Variants in RFX6 observed in about 807,000 individuals in gnomAD.
RFX6 encodes DNA-binding protein RFX6.
Under a neutral mutation model 110.8 loss-of-function variants are expected in RFX6, and 50 were observed. The observed-to-expected ratio is 0.45, with a 90% CI of 0.36 to 0.57. RFX6 has a LOEUF of 0.57. Among genes scored for constraint, RFX6 ranks in the 20% least tolerant of loss-of-function variants. RFX6 has a pLI of 0.00. For synonymous variants in RFX6, 383 were observed against 411.2 expected (o/e 0.93, Z 0.83); for missense variants, 990 against 1,127.0 (o/e 0.88, Z 1.74).
At chr6:116,913,874 A>AAATC (rs1433442726) in intron 7 of RFX6, among the ~76,000 whole-genome samples, 1 of 152,220 alleles carries the variant, frequency 6.6e-6, no homozygotes, top group Non-Finnish European at 1.5e-5. Flanking sequence ...TTGTACGGAT[A>AAATC]AATCAGTGTA....
chr6:116,890,707 C>T (rs1250024957), intron 4 of RFX6, among the ~76,000 whole-genome samples: 2 of 152,044 alleles, frequency 1.3e-5, no homozygotes, highest in Admixed American at 6.6e-5. Flanking sequence ...CTTCAGGTGT[C>T]AGTTTGTGTA....
intron 4 of RFX6, among the ~76,000 whole-genome samples, chr6:116,892,891 C>A (rs897823424): frequency 6.6e-6 from 1 of 152,086 alleles, no homozygotes; most frequent in Non-Finnish European, 1.5e-5. Flanking sequence ...TTCTTTATTG[C>A]TGAGGCCAGA....
At chr6:116,882,551 T>C in intron 4 of RFX6, 123 bp downstream of exon 4, 1 of 714,230 alleles carries the variant, frequency 1.4e-6, no homozygotes, top group Non-Finnish European at 2.5e-6. Flanking sequence ...AAGCAGACTT[T>C]TATCAACTGT....
chr6:116,921,085 G>C (rs935196560), intron 12 of RFX6, among the ~76,000 whole-genome samples: 2 of 152,092 alleles, frequency 1.3e-5, no homozygotes, highest in Non-Finnish European at 2.9e-5. Flanking sequence ...AGGGATAACA[G>C]CCACTATTTT....
intron 16 of RFX6, among the ~76,000 whole-genome samples, chr6:116,926,529 A>G (rs675233): frequency 0.24 from 36,928 of 152,092 alleles, 4,850 homozygotes; most frequent in South Asian, 0.42. Flanking sequence ...ATAGTTCAGG[A>G]GTCCATTTCT....
chr6:116,909,591 A>G (rs1775286126), intron 6 of RFX6, among the ~76,000 whole-genome samples: 1 of 150,564 alleles, frequency 6.6e-6, no homozygotes, highest in African/African-American at 2.4e-5. Context: ...CTATGCTATT[A>G]TATCAGTTTA....
Position 116,924,660 on chromosome 6 carries a change from A to G in RFX6, c.1556-9A>G. On this transcript the variant is annotated splice_polypyrimidine_tract_variant and intron_variant, in intron 14 of 18. Coordinates refer to ENST00000332958, the MANE Select transcript of RFX6 (RefSeq NM_173560.4). ...ACTGTCCTCTCCTCATTCTCCATCC[A>G]TAAACAAGGTTCTTTTCATTTGATT... 1 of 1,609,194 alleles carries G rather than the reference A, an allele frequency of 6.2e-7. No homozygotes were observed.
chr6:116,911,058 A>T lies in RFX6; in HGVS notation c.780+16A>T, dbSNP rs1406562918. 6.0e-6 allele frequency: 9 copies of T among 1,494,580 alleles called. No individual in the cohort carries two copies. Among genetic ancestry groups the T allele is most frequent in the East Asian group, 2.3e-5 (1 of 44,302 alleles). The allele number at this position is 1,494,580 out of a possible 1,614,324, so 92.6% of individuals were successfully genotyped here. On this transcript the variant is annotated intron_variant, in intron 7 of 18. Transcript: ENST00000332958. ...TAAGGACAAGGTATCAATTACAGATACTTCTCTATTGATTTTCTGATATGT... is the reference window on the plus strand; with the variant it reads ...TAAGGACAAGGTATCAATTACAGATTCTTCTCTATTGATTTTCTGATATGT...
rs1233600960 is a variant in RFX6 at position 116,931,380 on chromosome 6, T to C, written c.2661T>C (p.Tyr887=). 1.9e-6 allele frequency: 3 copies of C among 1,613,334 alleles called. No homozygotes were observed. The highest frequency in any genetic ancestry group is 1.1e-5 in the South Asian group (1 of 91,068). The change falls in exon 19 of 19, where the codon TAT becomes TAC. Residue 887 remains tyrosine, a synonymous_variant. Transcript: ENST00000332958. ...PIPSSSSQCM[Y]GTSNQYPAQE... is the part of the protein sequence containing the mutation. The stretch of plus-strand genomic sequence containing the variant: ...CTTCTTCCTCATCCCAATGTATGTA[T>C]GGAACTTCCAACCAGTATCCAGCTC...
intron 3 of RFX6, 23 bp from the exon 4 acceptor site, chr6:116,882,344 A>T (rs941303163): frequency 1.3e-6 from 2 of 1,599,740 alleles, no homozygotes; most frequent in Non-Finnish European, 1.7e-6. Flanking sequence ...TCTAACGCCT[A>T]AAGTAATCAT....
At position 116,926,719 on chromosome 6, in the gene RFX6, A is replaced by T. The variant is rs529717541; in HGVS notation, c.1886-308A>T. On this transcript the variant is annotated intron_variant, in intron 16 of 18. Coordinates refer to ENST00000332958, the MANE Select transcript of RFX6 (RefSeq NM_173560.4). ...TTAACAATCAGCTAATTTTTTAATT[A>T]TGGGGAAATATGAGCAGCAGACACA... Among the ~76,000 whole-genome samples, 9 of 152,254 alleles carry T rather than the reference A, an allele frequency of 5.9e-5. No individual in the cohort carries two copies. The South Asian group carries it at 1.5e-3, about 25-fold the overall frequency.
intron 13 of RFX6, 102 bp from the exon 14 acceptor site, chr6:116,923,005 G>T: frequency 1.3e-6 from 1 of 769,400 alleles, no homozygotes. Context: ...CATGCCATCT[G>T]TCCATTTGTT....
intron 4 of RFX6, among the ~76,000 whole-genome samples, chr6:116,893,418 A>G (rs759271466): frequency 7.9e-5 from 12 of 152,196 alleles, no homozygotes; most frequent in South Asian, 2.1e-4. Context: ...TACTTTCCAC[A>G]TGTCATTTTC....
intron 15 of RFX6, 116 bp from the exon 16 acceptor site, chr6:116,925,337 T>C (rs774690919): frequency 1.5e-5 from 14 of 916,228 alleles, no homozygotes; most frequent in Admixed American, 3.5e-5. Context: ...CATTGCTTAG[T>C]AGTTTCCAGA....
chr6:116,892,493 A>G (rs1036346490), intron 4 of RFX6, among the ~76,000 whole-genome samples: 2 of 152,186 alleles, frequency 1.3e-5, no homozygotes, highest in African/African-American at 4.8e-5. Flanking sequence ...ACATTGCTTC[A>G]CTAGTGTTCA....
At chr6:116,905,276 G>C (rs1260836497) in intron 6 of RFX6, among the ~76,000 whole-genome samples, 1 of 152,028 alleles carries the variant, frequency 6.6e-6, no homozygotes, top group African/African-American at 2.4e-5. Flanking sequence ...GGTTTGATTT[G>C]CATTTCCCTA....
chr6:116,927,629 T>A (rs1775775498), intron 17 of RFX6, 90 bp downstream of exon 17: 1 of 1,047,558 alleles, frequency 9.5e-7, no homozygotes, highest in East Asian at 2.5e-5. Context: ...GACTAGCATG[T>A]CCTTTCATTT....
intron 4 of RFX6, among the ~76,000 whole-genome samples, chr6:116,891,300 G>T (rs1382300270): frequency 4.6e-5 from 7 of 152,094 alleles, no homozygotes; most frequent in Non-Finnish European, 2.9e-5. Context: ...TGTGATTTTT[G>T]TGTACCACCT....
rs1377057076 is a variant in RFX6, at chr6:116,892,735, G to A, written c.567-1252G>A. ...ACCATTATGGAGGTAACTTGTCAAT[G>A]TAAGAGGACAGGAATATTTTTGTTA... On this transcript the variant is annotated intron_variant, in intron 4 of 18. Transcript: ENST00000332958. Among the ~76,000 whole-genome samples, 4 of 152,194 alleles carry A rather than the reference G, an allele frequency of 2.6e-5. No individual in the cohort carries two copies. In the East Asian group the frequency reaches 7.7e-4, roughly 29 times the overall value.
Sources: allele counts gnomAD v4.1 joint callset (sites outside exome capture counted in the v4.1 genomes callset), GRCh38; gene constraint gnomAD v4.1.1; transcripts MANE v1.5; gene names NCBI Gene and HGNC (gene_info 2026-07-23, HGNC 2026-07-21).